Variants in MYH10 observed in about 807,000 individuals in gnomAD.
MYH10 encodes myosin heavy chain 10.
A neutral mutation model predicts 257.8 loss-of-function variants in MYH10; 55 were observed. That is an observed-to-expected ratio of 0.21 (90% CI 0.17 to 0.27). MYH10 has a LOEUF of 0.27. Among genes scored for constraint, MYH10 ranks in the 10% least tolerant of loss-of-function variants. The pLI is 1.00. For missense variants in MYH10, 1,631 were observed against 2,500.6 expected (o/e 0.65, Z 7.42); for synonymous variants, 854 against 921.7 (o/e 0.93, Z 1.33).
At chr17:8,555,340 A>C (rs1431151589) in intron 7 of MYH10, among the ~76,000 whole-genome samples, 1 of 152,156 alleles carries the variant, frequency 6.6e-6, no homozygotes, top group Non-Finnish European at 1.5e-5. Context: ...TAATCACAAC[A>C]ATTCTGAGAA....
rs2081646813 is a variant in MYH10, at chr17:8,521,301, G to A, written c.1958-16C>T. The A allele has an allele frequency of 6.2e-7, 1 of 1,612,486 alleles. No individual in the cohort carries two copies. Among genetic ancestry groups the A allele is most frequent in the Non-Finnish European group, 8.5e-7 (1 of 1,178,578 alleles). ...ATACGGTCCACTGGGGAGAAGAAAGGAGAAAACAAATATAAGCCAAACCTC... is the reference window on the plus strand; with the variant it reads ...ATACGGTCCACTGGGGAGAAGAAAGAAGAAAACAAATATAAGCCAAACCTC... On this transcript the variant is annotated splice_polypyrimidine_tract_variant and intron_variant, in intron 17 of 42. Coordinates refer to ENST00000360416, the MANE Select transcript of MYH10 (RefSeq NM_001256012.3).
intron 4 of MYH10, among the ~76,000 whole-genome samples, chr17:8,581,725 A>G (rs551291042): frequency 6.6e-6 from 1 of 152,364 alleles, no homozygotes; most frequent in East Asian, 1.9e-4. Context: ...AATACAGCTC[A>G]ACTAAAGCAT....
rs1458951726 is a variant in MYH10, at chr17:8,548,732, A to T, written c.975T>A (p.Ile325=). The change falls in exon 10 of 43, where the codon ATT becomes ATA. Residue 325 remains isoleucine, a synonymous_variant. Coordinates refer to ENST00000360416, the MANE Select transcript of MYH10 (RefSeq NM_001256012.3). ...CTTTGTCTTGCTGTCCCGGAATAGG[A>T]ATATAGCCATTGGAGAGAAACCTGT... The part of the protein sequence containing the change: ...NNYRFLSNGY[I]PIPGQQDKDN... 6.2e-7 allele frequency: 1 copy of T among 1,613,718 alleles called. No homozygotes were observed. The highest frequency in any genetic ancestry group is 1.1e-5 in the South Asian group (1 of 91,068).
intron 29 of MYH10, 76 bp from the exon 30 acceptor site, chr17:8,499,552 G>T: frequency 7.6e-7 from 1 of 1,315,616 alleles, no homozygotes; most frequent in Non-Finnish European, 1.1e-6. Flanking sequence ...TTTTGAGTCT[G>T]CAGAATTGTG....
At chr17:8,548,092 T>C (rs560128179) in intron 11 of MYH10, among the ~76,000 whole-genome samples, 5 of 152,108 alleles carry the variant, frequency 3.3e-5, no homozygotes, top group African/African-American at 1.2e-4. Flanking sequence ...GCCTCCTGCA[T>C]GCTAAGGCAG....
intron 1 of MYH10, 56 bp from the exon 2 acceptor site, chr17:8,623,333 C>T (rs188874281): frequency 1.0e-5 from 15 of 1,441,612 alleles, no homozygotes; most frequent in Middle Eastern, 1.8e-4. Context: ...AGAATGTACA[C>T]GTTTTTCTTT....
intron 21 of MYH10, among the ~76,000 whole-genome samples, chr17:8,514,192 A>G (rs1196330379): frequency 1.3e-5 from 2 of 152,128 alleles, no homozygotes; most frequent in Non-Finnish European, 2.9e-5. Flanking sequence ...CACACTGCGC[A>G]CACTAAGAAA....
At chr17:8,485,290 C>CT (rs796832887) in intron 36 of MYH10, among the ~76,000 whole-genome samples, 14 of 152,026 alleles carry the variant, frequency 9.2e-5, no homozygotes, top group African/African-American at 3.4e-4. Context: ...AAGTGAAAGA[C>CT]TTGTATACCA....
chr17:8,595,363 G>A (rs903336799), intron 3 of MYH10, among the ~76,000 whole-genome samples: 12 of 143,324 alleles, frequency 8.4e-5, no homozygotes, highest in South Asian at 4.4e-4. Flanking sequence ...CCCTCTTTTC[G>A]TTTTCCTCAT....
intron 1 of MYH10, among the ~76,000 whole-genome samples, chr17:8,630,333 C>T (rs2085866880): frequency 6.6e-6 from 1 of 151,380 alleles, no homozygotes; most frequent in African/African-American, 2.4e-5. Flanking sequence ...CCCCAGGGGT[C>T]GCCCTCCTGC....
Position 8,577,891 on chromosome 17 carries a change from C to CT in MYH10, c.531-554dup, listed in dbSNP as rs1342147193. 2.6e-5 allele frequency among the ~76,000 whole-genome samples: 4 copies of CT among 152,110 alleles called. No individual in the cohort carries two copies. In the East Asian group the frequency reaches 5.8e-4, roughly 22 times the overall value. Reference sequence around the variant, plus strand: ...GACACAGGAAAATGTTCACGACACTCTTTTTTCCCTTGGGGGTGGGGGGGT... The same window carrying CT: ...GACACAGGAAAATGTTCACGACACTCTTTTTTTCCCTTGGGGGTGGGGGGGT... On this transcript the variant is annotated intron_variant, in intron 4 of 42. Coordinates refer to ENST00000360416, the MANE Select transcript of MYH10 (RefSeq NM_001256012.3).
chr17:8,509,225 C>T (rs1286897159), intron 25 of MYH10, among the ~76,000 whole-genome samples: 3 of 152,298 alleles, frequency 2.0e-5, no homozygotes, highest in African/African-American at 7.2e-5. Flanking sequence ...GTTCCAACTG[C>T]CTACAGTATT....
chr17:8,523,120 C>T (rs1388930700), intron 17 of MYH10, among the ~76,000 whole-genome samples: 1 of 152,182 alleles, frequency 6.6e-6, no homozygotes, highest in Non-Finnish European at 1.5e-5. Context: ...AAGCCATATT[C>T]CCAACCCAGG....
chr17:8,491,388 T>C (rs1031772526), intron 34 of MYH10, among the ~76,000 whole-genome samples: 5 of 152,362 alleles, frequency 3.3e-5, no homozygotes, highest in African/African-American at 1.2e-4. Context: ...TGGCCACTTC[T>C]ACTTTCAGTG....
intron 4 of MYH10, among the ~76,000 whole-genome samples, chr17:8,577,946 A>G (rs891656622): frequency 1.3e-5 from 2 of 152,218 alleles, no homozygotes; most frequent in Non-Finnish European, 2.9e-5. Context: ...TTATTAGAAC[A>G]TTCATGAAGA....
chr17:8,579,946 A>G (rs2083641414), intron 4 of MYH10, among the ~76,000 whole-genome samples: 1 of 152,176 alleles, frequency 6.6e-6, no homozygotes, highest in Non-Finnish European at 1.5e-5. Flanking sequence ...TGACAAAGAC[A>G]TTCATTCTCA....
chr17:8,592,932 G>GATATATATAT (rs1295383374), intron 3 of MYH10, among the ~76,000 whole-genome samples: 3 of 4,566 alleles, frequency 6.6e-4, no homozygotes, highest in African/African-American at 1.3e-3. Flanking sequence ...ATCAAATCCA[G>GATATATATAT]CTATATATAT....
rs1914366625 is a variant in MYH10, at chr17:8,484,195, G to A, written c.5118C>T (p.Ser1706=). The change falls in exon 37 of 43, where the codon TCC becomes TCT. Residue 1706 remains serine (S), a synonymous_variant. Coordinates refer to ENST00000360416, the MANE Select transcript of MYH10 (RefSeq NM_001256012.3). The stretch of plus-strand genomic sequence containing the variant: ...TCTTCAATTTCTTTTCACTCTCTTT[G>A]GATTGAGCAAAAATCTCATCTCTGG... ...RASRDEIFAQ[S]KESEKKLKSL... The A allele has an allele frequency of 6.2e-7, 1 of 1,611,824 alleles. No individual in the cohort carries two copies. Among genetic ancestry groups the A allele is most frequent in the African/African-American group, 1.3e-5 (1 of 74,752 alleles).
intron 2 of MYH10, among the ~76,000 whole-genome samples, chr17:8,614,307 C>CTT (rs35801623): frequency 0.063 from 4,860 of 77,136 alleles, 1,451 homozygotes; most frequent in African/African-American, 0.23. Flanking sequence ...CAATTCACTT[C>CTT]TTTTTTTTTT....
Sources: allele counts gnomAD v4.1 joint callset (sites outside exome capture counted in the v4.1 genomes callset), GRCh38; gene constraint gnomAD v4.1.1; transcripts MANE v1.5; gene names NCBI Gene and HGNC (gene_info 2026-07-23, HGNC 2026-07-21).